Variants in SREK1IP1 observed in about 807,000 individuals in gnomAD.
SREK1IP1 encodes protein SREK1IP1.
A neutral mutation model predicts 22.8 loss-of-function variants in SREK1IP1; 12 were observed. That is an observed-to-expected ratio of 0.53 (90% CI 0.34 to 0.85). The LOEUF is 0.85. SREK1IP1 is among the 40% of genes least tolerant of loss of function. The pLI is 0.02. For missense variants in SREK1IP1, 147 were observed against 171.8 expected (o/e 0.86, Z 0.81); for synonymous variants, 53 against 52.7 (o/e 1.01, Z -0.02).
At chr5:64,731,494 C>T (rs1323177222) in intron 3 of SREK1IP1, among the ~76,000 whole-genome samples, 1 of 144,932 alleles carries the variant, frequency 6.9e-6, no homozygotes, top group Non-Finnish European at 1.5e-5. Context: ...TGAACTCCAG[C>T]CTAGACAACA....
chr5:64,761,283 C>T (rs1004803052), intron 1 of SREK1IP1, among the ~76,000 whole-genome samples: 1 of 152,100 alleles, frequency 6.6e-6, no homozygotes, highest in African/African-American at 2.4e-5. Context: ...CAGTGCTTAC[C>T]ATGATGGAGA....
chr5:64,727,966 G>A, intron 4 of SREK1IP1, 141 bp downstream of exon 4: 1 of 814,454 alleles, frequency 1.2e-6, no homozygotes, highest in Non-Finnish European at 1.6e-6. Context: ...TATATTAAGA[G>A]TTTAAACTTA....
intron 2 of SREK1IP1, among the ~76,000 whole-genome samples, chr5:64,751,066 GA>G (rs1367789983): frequency 1.3e-5 from 2 of 152,198 alleles, no homozygotes; most frequent in African/African-American, 4.8e-5. Flanking sequence ...TTTGTTTCAT[GA>G]CCTACAAATC....
chr5:64,762,806 C>A (rs1388138062), intron 1 of SREK1IP1, among the ~76,000 whole-genome samples: 1 of 152,130 alleles, frequency 6.6e-6, no homozygotes, highest in Non-Finnish European at 1.5e-5. Flanking sequence ...AATCTCAGCA[C>A]TTTGGGAGGC....
At chr5:64,746,190 C>T (rs1230483818) in intron 2 of SREK1IP1, among the ~76,000 whole-genome samples, 1 of 152,082 alleles carries the variant, frequency 6.6e-6, no homozygotes, top group Non-Finnish European at 1.5e-5. Context: ...AGTTGGACCC[C>T]TCACCTCAGA....
chr5:64,746,965 CA>C (rs1412423728), intron 2 of SREK1IP1, among the ~76,000 whole-genome samples: 1 of 152,174 alleles, frequency 6.6e-6, no homozygotes, highest in Non-Finnish European at 1.5e-5. Context: ...CTCAGCAAAA[CA>C]GTTTACTTAC....
rs142757413 is a variant in SREK1IP1 at position 64,757,823 on chromosome 5, C to T, written c.14-3461G>A. 4.8e-5 allele frequency among the ~76,000 whole-genome samples: 7 copies of T among 145,864 alleles called. No individual in the cohort carries two copies. In the East Asian group the frequency reaches 1.0e-3, roughly 22 times the overall value. ...TTTATGCATTTTTTTAACCAATTAA[C>T]GTGTAAAACTGTGCTACTGTTTCTA... On this transcript the variant is annotated intron_variant, in intron 1 of 4. Coordinates refer to ENST00000513458, the MANE Select transcript of SREK1IP1 (RefSeq NM_173829.4).
chr5:64,751,009 G>A (rs546369145), intron 2 of SREK1IP1, among the ~76,000 whole-genome samples: 2 of 152,080 alleles, frequency 1.3e-5, no homozygotes, highest in Non-Finnish European at 2.9e-5. Context: ...AGACTACATT[G>A]GCTTTCTCTA....
At chr5:64,728,070 G>A in intron 4 of SREK1IP1, 37 bp downstream of exon 4, 1 of 1,289,146 alleles carries the variant, frequency 7.8e-7, no homozygotes, top group Admixed American at 3.8e-5. Context: ...AAACTCATAG[G>A]CCTGCTTTGT....
chr5:64,749,768 T>G lies in SREK1IP1; in HGVS notation c.61+4547A>C, dbSNP rs78525573. 2.0e-5 allele frequency among the ~76,000 whole-genome samples: 3 copies of G among 152,234 alleles called. No homozygotes were observed. The East Asian group carries it at 5.8e-4, about 29-fold the overall frequency. On this transcript the variant is annotated intron_variant, in intron 2 of 4. Transcript: ENST00000513458. Reference sequence around the variant, plus strand: ...CTTCCTTGGAAGTCTTATCCTCATATTTATCTTTTATTTCCCCACTGACCT... The same window carrying G: ...CTTCCTTGGAAGTCTTATCCTCATAGTTATCTTTTATTTCCCCACTGACCT...
chr5:64,727,553 A>ATATATATATATATATATATATATT, intron 4 of SREK1IP1: 6 of 84,676 alleles, frequency 7.1e-5, no homozygotes, highest in African/African-American at 3.3e-4. Context: ...ATATATATAT[A>ATATATATATATATATATATATATT]TTTTTTTTTT....
intron 1 of SREK1IP1, chr5:64,765,122 C>G (rs1328136833): frequency 6.6e-6 from 1 of 152,214 alleles, no homozygotes; most frequent in African/African-American, 2.4e-5. Context: ...ATTTCAACAA[C>G]TGTGAATGGG....
intron 1 of SREK1IP1, among the ~76,000 whole-genome samples, chr5:64,766,838 C>T (rs547738449): frequency 1.3e-5 from 2 of 152,330 alleles, no homozygotes; most frequent in East Asian, 1.9e-4. Context: ...TTTCACAGTG[C>T]AGTTGTGAAT....
intron 2 of SREK1IP1, among the ~76,000 whole-genome samples, chr5:64,750,591 A>G (rs1312605327): frequency 1.3e-5 from 2 of 151,988 alleles, no homozygotes; most frequent in African/African-American, 4.8e-5. Context: ...ACTTCCCTCA[A>G]TGACTTTCTC....
chr5:64,767,817 T>C (rs181534193), intron 1 of SREK1IP1, among the ~76,000 whole-genome samples: 9 of 152,236 alleles, frequency 5.9e-5, no homozygotes, highest in African/African-American at 2.2e-4. Context: ...CAAAGCTGGT[T>C]TGAGGAGATG....
intron 4 of SREK1IP1, 40 bp downstream of exon 4, chr5:64,728,067 T>C (rs990886782): frequency 3.9e-6 from 5 of 1,285,136 alleles, no homozygotes; most frequent in Non-Finnish European, 4.0e-6. Flanking sequence ...CCTAAACTCA[T>C]AGGCCTGCTT....
chr5:64,760,606 CAA>C (rs558620260), intron 1 of SREK1IP1, among the ~76,000 whole-genome samples: 15 of 152,294 alleles, frequency 9.8e-5, no homozygotes, highest in Admixed American at 8.5e-4. Flanking sequence ...ATAAGCACAA[CAA>C]AGAGTCAGAG....
intron 1 of SREK1IP1, among the ~76,000 whole-genome samples, chr5:64,762,678 A>C (rs1285018445): frequency 2.6e-5 from 4 of 152,258 alleles, no homozygotes; most frequent in Non-Finnish European, 4.4e-5. Flanking sequence ...GTTAATTAAT[A>C]AGATAATTTA....
At chr5:64,759,093 T>C (rs1229459394) in intron 1 of SREK1IP1, among the ~76,000 whole-genome samples, 2 of 152,196 alleles carry the variant, frequency 1.3e-5, no homozygotes, top group Admixed American at 6.5e-5. Flanking sequence ...GGGGCACTGA[T>C]GTCACTGGCA....
Sources: gnomAD v4.1 joint callset for allele counts (sites outside exome capture counted in the v4.1 genomes callset) on GRCh38, gnomAD v4.1.1 for gene constraint, MANE v1.5 for transcripts, NCBI Gene and HGNC (gene_info 2026-07-23, HGNC 2026-07-21) for gene names.